Variants in LONP2 observed in about 807,000 individuals in gnomAD.
LONP2 encodes lon protease homolog 2, peroxisomal.
Under a neutral mutation model 85.6 loss-of-function variants are expected in LONP2, and 60 were observed. The ratio of observed to expected loss-of-function variants is 0.70; its 90% CI spans 0.57 to 0.87. The LOEUF (loss-of-function observed/expected upper bound fraction) is 0.87. Among genes scored for constraint, LONP2 ranks in the 40% least tolerant of loss-of-function variants. The pLI is 0.00. For missense variants in LONP2, 860 were observed against 1,063.5 expected (o/e 0.81, Z 2.66); for synonymous variants, 395 against 389.7 (o/e 1.01, Z -0.16).
At chr16:48,337,412 G>T (rs535983875) in intron 12 of LONP2, among the ~76,000 whole-genome samples, 1 of 152,156 alleles carries the variant, frequency 6.6e-6, no homozygotes, top group Non-Finnish European at 1.5e-5. Flanking sequence ...TGGCTATCAG[G>T]CACTGTGTAA....
At chr16:48,247,352 G>C (rs1177068821) in intron 1 of LONP2, 2 of 152,560 alleles carry the variant, frequency 1.3e-5, no homozygotes, top group African/African-American at 2.4e-5. Context: ...CAGAAGAGGG[G>C]CTCTGTTCCT....
At chr16:48,312,771 A>G (rs1973061114) in intron 11 of LONP2, among the ~76,000 whole-genome samples, 2 of 152,156 alleles carry the variant, frequency 1.3e-5, no homozygotes, top group South Asian at 4.1e-4. Flanking sequence ...CTTCCCAGCT[A>G]GGAGGTGGTG....
chr16:48,283,229 G>A (rs927507727), intron 8 of LONP2, among the ~76,000 whole-genome samples: 1 of 152,244 alleles, frequency 6.6e-6, no homozygotes, highest in Admixed American at 6.5e-5. Context: ...AGCAAGTACT[G>A]ATGTATTGTA....
intron 11 of LONP2, among the ~76,000 whole-genome samples, chr16:48,324,735 AGT>A (rs1232175417): frequency 3.3e-5 from 5 of 152,142 alleles, no homozygotes; most frequent in African/African-American, 1.2e-4. Context: ...GGTATGGGAG[AGT>A]GGAGTTTATC....
chr16:48,277,452 G>C lies in LONP2; in HGVS notation c.1356G>C (p.Gln452His). Reference sequence around the variant, plus strand: ...TTGACAAACTGGGAAAAAGTCTACAGGGTGATCCAGCAGCAGCTCTGCTTG... The same window carrying C: ...TTGACAAACTGGGAAAAAGTCTACACGGTGATCCAGCAGCAGCTCTGCTTG... ...DEVDKLGKSL[Q>H]GDPAAALLEV... The change falls in exon 8 of 15, where the codon CAG becomes CAC. Residue 452 changes from glutamine to histidine, a missense_variant. Coordinates refer to ENST00000285737, the MANE Select transcript of LONP2 (RefSeq NM_031490.5). The C allele has an allele frequency of 6.2e-7, 1 of 1,613,812 alleles. No homozygotes were observed. Among genetic ancestry groups the C allele is most frequent in the Non-Finnish European group, 8.5e-7 (1 of 1,179,838 alleles).
intron 6 of LONP2, among the ~76,000 whole-genome samples, chr16:48,263,807 G>A (rs1351308295): frequency 2.0e-5 from 3 of 152,142 alleles, no homozygotes; most frequent in Non-Finnish European, 2.9e-5. Flanking sequence ...TGTTATCGGG[G>A]GACCTGCCCC....
At chr16:48,287,751 A>G (rs549627593) in intron 8 of LONP2, among the ~76,000 whole-genome samples, 1 of 152,368 alleles carries the variant, frequency 6.6e-6, no homozygotes, top group East Asian at 1.9e-4. Context: ...CGTTCTGTTT[A>G]TTGAGATTCA....
chr16:48,320,673 C>T (rs1398467660), intron 11 of LONP2, among the ~76,000 whole-genome samples: 2 of 152,152 alleles, frequency 1.3e-5, no homozygotes, highest in East Asian at 1.9e-4. Flanking sequence ...TTGGTATATA[C>T]TGCCAATATC....
intron 1 of LONP2, 137 bp from the exon 2 acceptor site, chr16:48,251,994 A>G (rs1596905255): frequency 3.3e-6 from 2 of 605,130 alleles, no homozygotes; most frequent in East Asian, 6.1e-5. Flanking sequence ...ATGCTAAGTT[A>G]AATAGAGAAA....
chr16:48,341,127 C>T (rs1945999396), intron 12 of LONP2, among the ~76,000 whole-genome samples: 1 of 151,940 alleles, frequency 6.6e-6, no homozygotes, highest in African/African-American at 2.4e-5. Context: ...ATGGTGAAAC[C>T]CTGTCTCTAC....
At chr16:48,357,374 G>C (rs115164551), downstream of LONP2, 467 of 152,316 alleles carry the variant, frequency 3.1e-3, 3 homozygotes, top group African/African-American at 0.011. Context: ...ATCATAAGCA[G>C]TAAACTACCA....
In LONP2 at chr16:48,354,082, G is replaced by T. The variant is rs1422454135; in HGVS notation, c.*2280G>T. ...TTTCACCTGGGTTTTTTTTTTTTGG[G>T]GGGGGTGGGGGGTTAGGGGTGGGGC... is the stretch of plus-strand genomic sequence containing the variant. On this transcript the variant is annotated 3_prime_UTR_variant, in exon 15 of 15. Transcript: ENST00000285737. The T allele has an allele frequency of 7.4e-6, 1 of 135,512 alleles. No homozygotes were observed. Among genetic ancestry groups the T allele is most frequent in the Non-Finnish European group, 1.6e-5 (1 of 63,012 alleles). The allele number at this position is 135,512 out of a possible 1,614,324, so 8.4% of individuals were successfully genotyped here.
intron 8 of LONP2, 150 bp downstream of exon 8, chr16:48,277,629 TA>T: frequency 1.6e-6 from 1 of 614,290 alleles, no homozygotes. Context: ...ATTTGGCACT[TA>T]AATTAAAATG....
Position 48,362,445 on chromosome 16 carries a change from TAAG to T in LONP2, c.*583_*585del. 2 of 1,612,012 alleles carry T rather than the reference TAAG, an allele frequency of 1.2e-6. No homozygotes were observed. The highest frequency in any genetic ancestry group is 1.7e-6 in the Non-Finnish European group (2 of 1,178,602). ...ACGGCTCATTTCTGAAATAAATACA[TAAG>T]GAGGCAGGAGAAAAATAATTATAAC... On this transcript the variant is annotated 3_prime_UTR_variant, in exon 5 of 5. Transcript: ENST00000565867. The surrounding 1 kb of genome is among the most constrained non-coding windows in gnomAD (Gnocchi z 4.2).
At chr16:48,350,573 T>TG in intron 14 of LONP2, among the ~76,000 whole-genome samples, 1 of 152,236 alleles carries the variant, frequency 6.6e-6, no homozygotes, top group East Asian at 1.9e-4. Flanking sequence ...AACAAAACCT[T>TG]GAAAGAAGAT....
chr16:48,312,811 GCAGTAGGGTGA>G, intron 11 of LONP2, among the ~76,000 whole-genome samples: 1 of 152,294 alleles, frequency 6.6e-6, no homozygotes, highest in Middle Eastern at 3.4e-3. Context: ...TGCAATAGTG[GCAGTAGGGTGA>G]TTAACCTTTG....
intron 8 of LONP2, among the ~76,000 whole-genome samples, chr16:48,278,173 T>C (rs181673375): frequency 6.6e-6 from 1 of 152,322 alleles, no homozygotes; most frequent in Admixed American, 6.5e-5. Flanking sequence ...TTCTCTACTT[T>C]TTAAGAATAT....
At chr16:48,321,055 C>G (rs201396737) in intron 11 of LONP2, among the ~76,000 whole-genome samples, 1 of 152,088 alleles carries the variant, frequency 6.6e-6, no homozygotes, top group African/African-American at 2.4e-5. Flanking sequence ...CACCTCAGTC[C>G]CTAGAGTAGC....
At chr16:48,294,733 C>CAAACAAAACAAAACA (rs374800451) in intron 8 of LONP2, among the ~76,000 whole-genome samples, 1 of 151,990 alleles carries the variant, frequency 6.6e-6, no homozygotes, top group African/African-American at 2.4e-5. Context: ...GACTCTGTCT[C>CAAACAAAACAAAACA]AAACAAAACA....
Sources: gnomAD v4.1 joint callset for allele counts (sites outside exome capture counted in the v4.1 genomes callset) on GRCh38, gnomAD v4.1.1 for gene constraint, Gnocchi (gnomAD v3.1) non-coding constraint, MANE v1.5 for transcripts, NCBI Gene and HGNC (gene_info 2026-07-23, HGNC 2026-07-21) for gene names.